The following ST7 variants were observed in gnomAD, a reference collection of about 807,000 sequenced individuals.
ST7 encodes the protein suppressor of tumorigenicity 7 protein.
In ST7, 28 loss-of-function variants were observed where a neutral mutation model predicts 78.7. That is an observed-to-expected ratio of 0.36 (90% confidence interval 0.26 to 0.49). ST7 has a LOEUF of 0.49. ST7 is among the 20% of genes least tolerant of loss of function. ST7 has a pLI of 0.99. For missense variants in ST7, 418 were observed against 696.0 expected (o/e 0.60, Z 4.49); for synonymous variants, 247 against 249.6 (o/e 0.99, Z 0.10).
chr7:117,075,613 G>T lies in ST7; in HGVS notation c.152-24149G>T, dbSNP rs62470807. ...TGTACTTTTTCCTGCTTCCAGGCCTGTCTGTGTGAGGCCTGAACCAGTGTG... is the reference window on the plus strand; with the variant it reads ...TGTACTTTTTCCTGCTTCCAGGCCTTTCTGTGTGAGGCCTGAACCAGTGTG... On this transcript the variant is annotated intron_variant, in intron 1 of 15. Transcript: ENST00000323984. Among the ~76,000 whole-genome samples the T allele has an allele frequency of 9.5e-3, 1,449 of 152,274 alleles. 11 individuals are homozygous for T. Among genetic ancestry groups the T allele is most frequent in the Admixed American group, 0.017 (263 of 15,284 alleles).
chr7:117,099,643 A>T, intron 1 of ST7, 119 bp from the exon 2 acceptor site: 4 of 695,044 alleles, frequency 5.8e-6, no homozygotes, highest in African/African-American at 1.8e-5. Context: ...CTATGGTTCT[A>T]AGAATTATCA....
At chr7:117,131,252 G>A (rs944169329) in intron 5 of ST7, among the ~76,000 whole-genome samples, 1 of 151,728 alleles carries the variant, frequency 6.6e-6, no homozygotes, top group Non-Finnish European at 1.5e-5. Context: ...AAATAAATAA[G>A]GAGATTGTTA....
intron 10 of ST7, among the ~76,000 whole-genome samples, chr7:117,181,892 C>T (rs1808799435): frequency 1.3e-5 from 2 of 152,066 alleles, no homozygotes; most frequent in Admixed American, 1.3e-4. Context: ...AGGAGAATAC[C>T]ATAAATGTGT....
At chr7:117,183,755 A>G (rs114211762) in intron 10 of ST7, among the ~76,000 whole-genome samples, 2,280 of 152,318 alleles carry the variant, frequency 0.015, 66 homozygotes, top group African/African-American at 0.05. Context: ...TCCCATTTTT[A>G]GTTACATATC....
rs1487206037 is a variant in ST7 at position 117,129,652 on chromosome 7, G to A, written c.395-141G>A. 9 of 709,520 alleles carry A rather than the reference G, an allele frequency of 1.3e-5. 1 individual carries two copies. The South Asian group carries it at 1.4e-4, about 11-fold the overall frequency. The allele number at this position is 709,520 out of a possible 1,614,324, so 44.0% of individuals were successfully genotyped here. A position where few individuals can be genotyped will look rare whatever the true frequency, so the allele number is the denominator to read the frequency against. ...CACATTTTGTGATTAACCACCCAGAGTTTTTCCACATTGCTTCCCATGTAA... is the reference window on the plus strand; with the variant it reads ...CACATTTTGTGATTAACCACCCAGAATTTTTCCACATTGCTTCCCATGTAA... On this transcript the variant is annotated intron_variant, in intron 3 of 15. Transcript: ENST00000323984.
chr7:117,149,000 C>T (rs978689523), intron 9 of ST7, among the ~76,000 whole-genome samples: 10 of 152,136 alleles, frequency 6.6e-5, no homozygotes, highest in African/African-American at 2.4e-4. Flanking sequence ...GCAATGCATG[C>T]GATGACCAGG....
At chr7:117,097,908 A>ATATATATATATATTT in intron 1 of ST7, among the ~76,000 whole-genome samples, 1 of 30,010 alleles carries the variant, frequency 3.3e-5, no homozygotes, top group South Asian at 1.9e-3. Flanking sequence ...ATATATATAT[A>ATATATATATATATTT]TTTTTTTTTT....
chr7:117,188,320 C>T (rs1000394485), intron 10 of ST7, among the ~76,000 whole-genome samples: 28 of 152,192 alleles, frequency 1.8e-4, no homozygotes, highest in Admixed American at 1.8e-3. Context: ...GCAGGGCATT[C>T]CAGGGGCAAA....
chr7:117,060,145 T>C (rs1798276168), intron 1 of ST7, among the ~76,000 whole-genome samples: 1 of 152,192 alleles, frequency 6.6e-6, no homozygotes, highest in Non-Finnish European at 1.5e-5. Context: ...TTGACACAAG[T>C]GCAGTGGGAT....
intron 1 of ST7, among the ~76,000 whole-genome samples, chr7:117,002,875 G>A (rs182145802): frequency 7.7e-6 from 1 of 130,398 alleles, no homozygotes; most frequent in African/African-American, 2.9e-5. Flanking sequence ...CCAGGCTGGA[G>A]TGCAAGGGCC....
chr7:117,214,371 C>T (rs1001039957), intron 13 of ST7, among the ~76,000 whole-genome samples: 1 of 151,990 alleles, frequency 6.6e-6, no homozygotes. Context: ...AGAGTATTTC[C>T]TTTGAGAGGG....
chr7:117,205,120 A>C (rs1791626833), intron 12 of ST7, among the ~76,000 whole-genome samples: 1 of 152,182 alleles, frequency 6.6e-6, no homozygotes, highest in Admixed American at 6.5e-5. Flanking sequence ...AGTACAAAAG[A>C]AGTTAATCTC....
intron 1 of ST7, among the ~76,000 whole-genome samples, chr7:117,037,698 G>A (rs1018255170): frequency 1.3e-5 from 2 of 152,150 alleles, no homozygotes; most frequent in African/African-American, 4.8e-5. Context: ...GATCAAATGA[G>A]ACTTCCGATT....
At chr7:117,040,981 C>A (rs1389321223) in intron 1 of ST7, among the ~76,000 whole-genome samples, 1 of 152,158 alleles carries the variant, frequency 6.6e-6, no homozygotes, top group Non-Finnish European at 1.5e-5. Context: ...TCACTATCTA[C>A]CCCTTTGCTT....
At chr7:117,177,709 A>G (rs542726909) in intron 10 of ST7, among the ~76,000 whole-genome samples, 1 of 152,174 alleles carries the variant, frequency 6.6e-6, no homozygotes, top group African/African-American at 2.4e-5. Context: ...CATCTTTTTG[A>G]GATTCTTGTA....
chr7:116,966,448 A>T (rs976833280), intron 1 of ST7, among the ~76,000 whole-genome samples: 15 of 151,908 alleles, frequency 9.9e-5, no homozygotes, highest in Non-Finnish European at 1.8e-4. Context: ...ACGATGTTGC[A>T]CTATGTTGGC....
intron 1 of ST7, chr7:116,972,913 G>T (rs1205941289): frequency 3.0e-6 from 4 of 1,325,350 alleles, no homozygotes; most frequent in Non-Finnish European, 4.3e-6. Context: ...CCCAGCCATG[G>T]TGCCCACTCA....
chr7:117,104,266 C>T (rs1214101277), intron 2 of ST7, among the ~76,000 whole-genome samples: 4 of 152,154 alleles, frequency 2.6e-5, no homozygotes, highest in Middle Eastern at 3.2e-3. Flanking sequence ...CATGGTGAAA[C>T]CCTGTGTCTA....
chr7:117,078,229 A>G (rs939786757), intron 1 of ST7, among the ~76,000 whole-genome samples: 1 of 152,250 alleles, frequency 6.6e-6, no homozygotes, highest in African/African-American at 2.4e-5. Flanking sequence ...TAGTAGTTTT[A>G]TACAACTGGC....
Sources: gnomAD v4.1 joint callset for allele counts (sites outside exome capture counted in the v4.1 genomes callset) on GRCh38, gnomAD v4.1.1 for gene constraint, MANE v1.5 for transcripts, NCBI Gene and HGNC (gene_info 2026-07-23, HGNC 2026-07-21) for gene names.